Variants in IQGAP1 observed in about 807,000 individuals in gnomAD.
IQGAP1 encodes the protein ras GTPase-activating-like protein IQGAP1.
A neutral mutation model predicts 215.6 loss-of-function variants in IQGAP1; 66 were observed. That is an observed-to-expected ratio of 0.31 (90% CI 0.25 to 0.38). The LOEUF (loss-of-function observed/expected upper bound fraction) is 0.38, where lower values mean the gene tolerates loss of function less well. Among genes scored for constraint, IQGAP1 ranks in the 10% least tolerant of loss-of-function variants. The pLI, the probability that IQGAP1 is intolerant of heterozygous loss-of-function variation, is 1.00. For missense variants in IQGAP1, 1,712 were observed against 1,997.1 expected, an observed-to-expected ratio of 0.86 and a Z score of 2.72; for synonymous variants, 772 against 728.7, an observed-to-expected ratio of 1.06 and a Z score of -0.96.
In IQGAP1 at chr15:90,403,889, G is replaced by A. The variant is rs942596042; in HGVS notation, c.155+13016G>A. Among the ~76,000 whole-genome samples, 15 of 152,276 alleles carry A rather than the reference G, an allele frequency of 9.9e-5. No individual in the cohort carries two copies. In the East Asian group the frequency reaches 2.1e-3, roughly 22 times the overall value. On this transcript the variant is annotated intron_variant, in intron 2 of 37. Coordinates refer to ENST00000268182, the MANE Select transcript of IQGAP1 (RefSeq NM_003870.4). ...AGGGTTTCACCATGTTGGCCAGGCT[G>A]GTCTTGAACTCCTGACCTTAGGTTA...
At chr15:90,498,327 A>T (rs1424995012) in intron 37 of IQGAP1, among the ~76,000 whole-genome samples, 1 of 150,260 alleles carries the variant, frequency 6.7e-6, no homozygotes, top group East Asian at 1.9e-4. Context: ...TGATTTTGTG[A>T]TGCACACAGC....
chr15:90,469,328 C>T (rs1376423889), intron 18 of IQGAP1, among the ~76,000 whole-genome samples: 1 of 152,134 alleles, frequency 6.6e-6, no homozygotes, highest in Non-Finnish European at 1.5e-5. Flanking sequence ...TTTCCCAAAT[C>T]GTGTGTGGAA....
At chr15:90,422,008 C>A (rs188931445) in intron 2 of IQGAP1, among the ~76,000 whole-genome samples, 65 of 152,260 alleles carry the variant, frequency 4.3e-4, no homozygotes, top group African/African-American at 1.5e-3. Flanking sequence ...AGTTGAGAAT[C>A]ACTGGTGGAT....
At chr15:90,455,172 C>CA (rs1965661295) in intron 14 of IQGAP1, among the ~76,000 whole-genome samples, 1 of 152,166 alleles carries the variant, frequency 6.6e-6, no homozygotes, top group Non-Finnish European at 1.5e-5. Flanking sequence ...CGTGTATCAC[C>CA]AACCAGGGAA....
At chr15:90,486,371 A>G (rs768887993) in intron 31 of IQGAP1, 1 of 339,522 alleles carries the variant, frequency 2.9e-6, no homozygotes, top group Non-Finnish European at 5.3e-6. Flanking sequence ...ACGCAGATAC[A>G]TACTGCCAGC....
Position 90,429,916 on chromosome 15 carries a change from A to G in IQGAP1, c.390+250A>G, listed in dbSNP as rs188533582. The G allele has an allele frequency of 9.3e-4, 265 of 286,184 alleles. 1 individual carries two copies. Among genetic ancestry groups the G allele is most frequent in the African/African-American group, 5.3e-3 (243 of 45,920 alleles). 17.7% of individuals were successfully genotyped at this position (286,184 alleles called of 1,614,324 possible). A position where few individuals can be genotyped will look rare whatever the true frequency, so the allele number is the denominator to read the frequency against. On this transcript the variant is annotated intron_variant, in intron 4 of 37. Coordinates refer to ENST00000268182, the MANE Select transcript of IQGAP1 (RefSeq NM_003870.4). Reference sequence around the variant, plus strand: ...ATCTACTTTTACTACATCAAATTGTAGACTTACATTTTACTATTTTTCCTT... The same window carrying G: ...ATCTACTTTTACTACATCAAATTGTGGACTTACATTTTACTATTTTTCCTT...
At chr15:90,481,304 G>C (rs1239217105) in intron 26 of IQGAP1, among the ~76,000 whole-genome samples, 1 of 133,600 alleles carries the variant, frequency 7.5e-6, no homozygotes, top group African/African-American at 3.0e-5. Context: ...TTAAGACAAG[G>C]TCTTGCTCAA....
intron 5 of IQGAP1, among the ~76,000 whole-genome samples, chr15:90,437,082 G>A (rs910660043): frequency 8.2e-6 from 1 of 121,986 alleles, no homozygotes; most frequent in South Asian, 2.3e-4. Context: ...AAGCATGGCT[G>A]GGGAGACCTC....
chr15:90,422,867 T>C (rs917202334), intron 2 of IQGAP1, among the ~76,000 whole-genome samples: 1 of 151,812 alleles, frequency 6.6e-6, no homozygotes, highest in African/African-American at 2.4e-5. Context: ...GGCTAATTTT[T>C]AAATTTTTTG....
At chr15:90,396,774 T>C (rs1964726415) in intron 2 of IQGAP1, among the ~76,000 whole-genome samples, 1 of 152,114 alleles carries the variant, frequency 6.6e-6, no homozygotes, top group African/African-American at 2.4e-5. Context: ...GTAACACTGT[T>C]GCAAATGGGG....
chr15:90,390,656 C>CA lies in IQGAP1; in HGVS notation c.56-117dup. The stretch of plus-strand genomic sequence containing the variant: ...ATTGTAGTACACCTGGCTGGCTACA[C>CA]ACTCATTAGTTATCCTGACTTTCTA... On this transcript the variant is annotated intron_variant, in intron 1 of 37. Coordinates refer to ENST00000268182, the MANE Select transcript of IQGAP1 (RefSeq NM_003870.4). 8 of 664,392 alleles carry CA rather than the reference C, an allele frequency of 1.2e-5. No homozygotes were observed. In the South Asian group the frequency reaches 1.4e-4, roughly 12 times the overall value. The allele number at this position is 664,392 out of a possible 1,614,324, so 41.2% of individuals were successfully genotyped here.
intron 11 of IQGAP1, among the ~76,000 whole-genome samples, chr15:90,450,806 T>TG (rs1473449407): frequency 3.2e-5 from 4 of 123,966 alleles, no homozygotes; most frequent in Non-Finnish European, 7.0e-5. Flanking sequence ...ATTTGTGGGG[T>TG]TTTTTTTTGT....
intron 2 of IQGAP1, among the ~76,000 whole-genome samples, chr15:90,420,414 C>T (rs1325237877): frequency 6.6e-6 from 1 of 152,060 alleles, no homozygotes; most frequent in African/African-American, 2.4e-5. Context: ...GCTTAGGGTG[C>T]CAGTAGAGAA....
At chr15:90,419,475 T>A (rs1965103059) in intron 2 of IQGAP1, among the ~76,000 whole-genome samples, 1 of 152,204 alleles carries the variant, frequency 6.6e-6, no homozygotes, top group African/African-American at 2.4e-5. Context: ...GAGTGAGATT[T>A]GCTAAAGCAG....
chr15:90,499,194 A>C lies in IQGAP1; in HGVS notation c.4861-801A>C, dbSNP rs184703579. 3.3e-5 allele frequency among the ~76,000 whole-genome samples: 5 copies of C among 152,300 alleles called. No individual in the cohort carries two copies. The East Asian group carries it at 9.6e-4, about 29-fold the overall frequency. Reference sequence around the variant, plus strand: ...AAAGTTCAGAAGTGAGACCACTCAGATTTCTTAAACTTGTTCAGGACAATG... The same window carrying C: ...AAAGTTCAGAAGTGAGACCACTCAGCTTTCTTAAACTTGTTCAGGACAATG... On this transcript the variant is annotated intron_variant, in intron 37 of 37. Coordinates refer to ENST00000268182, the MANE Select transcript of IQGAP1 (RefSeq NM_003870.4).
At chr15:90,391,156 T>A (rs999009696) in intron 2 of IQGAP1, 1 of 276,144 alleles carries the variant, frequency 3.6e-6, no homozygotes, top group African/African-American at 2.2e-5. Context: ...GAGGATCACT[T>A]GAGTCCGGGA....
chr15:90,434,362 C>T (rs1303306485), intron 5 of IQGAP1, among the ~76,000 whole-genome samples: 2 of 151,740 alleles, frequency 1.3e-5, no homozygotes, highest in African/African-American at 4.8e-5. Flanking sequence ...TGCTTGAACC[C>T]GGAAGGCAGA....
chr15:90,404,790 A>G (rs1275655583), intron 2 of IQGAP1, among the ~76,000 whole-genome samples: 1 of 152,138 alleles, frequency 6.6e-6, no homozygotes, highest in African/African-American at 2.4e-5. Context: ...CATGTTGGCC[A>G]GGCTGGTCTT....
intron 9 of IQGAP1, among the ~76,000 whole-genome samples, chr15:90,446,086 A>G (rs1392140690): frequency 6.6e-6 from 1 of 152,206 alleles, no homozygotes; most frequent in Non-Finnish European, 1.5e-5. Context: ...TCCTTAAGTC[A>G]GCAAATATAA....
Sources: gnomAD v4.1 joint callset for allele counts (sites outside exome capture counted in the v4.1 genomes callset) on GRCh38, gnomAD v4.1.1 for gene constraint, MANE v1.5 for transcripts, NCBI Gene and HGNC (gene_info 2026-07-23, HGNC 2026-07-21) for gene names.